MMP26: variants seen among roughly 807,000 people sequenced by gnomAD.
MMP26 encodes matrix metalloproteinase-26.
Under a neutral mutation model 31.0 loss-of-function variants are expected in MMP26, and 33 were observed. The observed-to-expected ratio is 1.06, with a 90% confidence interval of 0.81 to 1.42. The LOEUF is 1.42. MMP26 is among the 40% of genes most tolerant of loss of function. MMP26 has a pLI of 0.00. For synonymous variants in MMP26, 122 were observed against 114.9 expected, an observed-to-expected ratio of 1.06 and a Z score of -0.40; for missense variants, 347 against 316.1, an observed-to-expected ratio of 1.10 and a Z score of -0.74.
chr11:4,743,403 A>T (rs1200401481), intron 1 of MMP26, among the ~76,000 whole-genome samples: 1 of 152,212 alleles, frequency 6.6e-6, no homozygotes, highest in Non-Finnish European at 1.5e-5. Flanking sequence ...TTTCTATTAT[A>T]TAATAGGGGC....
chr11:4,747,590 T>G (rs1848397431), intron 1 of MMP26, among the ~76,000 whole-genome samples: 1 of 152,128 alleles, frequency 6.6e-6, no homozygotes, highest in African/African-American at 2.4e-5. Context: ...TTTTTTTGTA[T>G]ATTAATATTT....
chr11:4,961,894 G>T (rs1846525735), intron 2 of MMP26, among the ~76,000 whole-genome samples: 1 of 152,118 alleles, frequency 6.6e-6, no homozygotes, highest in Non-Finnish European at 1.5e-5. Context: ...CAGTTTCAAG[G>T]ATACCTGTCT....
chr11:4,865,301 A>G (rs1162842599), intron 2 of MMP26, among the ~76,000 whole-genome samples: 1 of 152,082 alleles, frequency 6.6e-6, no homozygotes, highest in Non-Finnish European at 1.5e-5. Context: ...ATTAGGAAAA[A>G]AGGTGTATTG....
At chr11:4,982,312 T>C (rs1564818867) in intron 2 of MMP26, among the ~76,000 whole-genome samples, 1 of 152,154 alleles carries the variant, frequency 6.6e-6, no homozygotes, top group Non-Finnish European at 1.5e-5. Context: ...AGAAATGCAA[T>C]GTGTTATGAC....
intron 2 of MMP26, chr11:4,830,307 A>T (rs17328565): frequency 6.6e-6 from 1 of 152,104 alleles, no homozygotes; most frequent in Non-Finnish European, 1.5e-5. Context: ...AAAACACTGT[A>T]GTTTATAGAG....
chr11:4,973,622 A>G (rs1335566247), intron 2 of MMP26: 1 of 159,330 alleles, frequency 6.3e-6, no homozygotes, highest in Non-Finnish European at 1.5e-5. Context: ...AGCATTGAAC[A>G]GGAAAATCCT....
chr11:4,857,818 A>T (rs1030236816), intron 2 of MMP26, among the ~76,000 whole-genome samples: 3 of 152,192 alleles, frequency 2.0e-5, no homozygotes, highest in African/African-American at 7.2e-5. Context: ...TCAATGCAAA[A>T]ATACTCAATA....
intron 2 of MMP26, among the ~76,000 whole-genome samples, chr11:4,858,220 G>T (rs868363491): frequency 6.6e-6 from 1 of 152,054 alleles, no homozygotes; most frequent in Non-Finnish European, 1.5e-5. Context: ...TGGAAGTTCT[G>T]GCCAGGGCAA....
chr11:4,897,133 C>G (rs1370356617), intron 2 of MMP26, among the ~76,000 whole-genome samples: 2 of 148,522 alleles, frequency 1.3e-5, no homozygotes, highest in Non-Finnish European at 3.0e-5. Flanking sequence ...CACACACACA[C>G]ACGCTGATTT....
At chr11:4,810,862 G>T (rs1397367356) in intron 2 of MMP26, among the ~76,000 whole-genome samples, 1 of 152,220 alleles carries the variant, frequency 6.6e-6, no homozygotes, top group Non-Finnish European at 1.5e-5. Flanking sequence ...CACTGAGGAA[G>T]ATTTGAGAAA....
chr11:4,907,576 T>C, intron 2 of MMP26: 1 of 1,613,974 alleles, frequency 6.2e-7, no homozygotes, highest in African/African-American at 1.3e-5. Flanking sequence ...TGGCTGTCTC[T>C]GACATGGGCC....
chr11:4,735,688 C>T (rs1017425965), intron 1 of MMP26, among the ~76,000 whole-genome samples: 7 of 151,924 alleles, frequency 4.6e-5, no homozygotes, highest in African/African-American at 9.7e-5. Flanking sequence ...TTTAGCATCT[C>T]GCAATAGTAG....
chr11:4,773,829 C>T (rs1848757752), intron 2 of MMP26, among the ~76,000 whole-genome samples: 1 of 152,046 alleles, frequency 6.6e-6, no homozygotes, highest in African/African-American at 2.4e-5. Flanking sequence ...GTGTTGTTCT[C>T]CTTTCTGTGT....
intron 2 of MMP26, among the ~76,000 whole-genome samples, chr11:4,801,497 C>T (rs1429197642): frequency 6.8e-6 from 1 of 147,430 alleles, no homozygotes; most frequent in Non-Finnish European, 1.5e-5. Context: ...GGGGGAGGTC[C>T]CGGACTTTTT....
At chr11:4,940,613 C>T (rs1040730089) in intron 2 of MMP26, among the ~76,000 whole-genome samples, 1 of 152,116 alleles carries the variant, frequency 6.6e-6, no homozygotes, top group African/African-American at 2.4e-5. Context: ...GCTCTAAGAG[C>T]CCCTTGGGAT....
intron 2 of MMP26, among the ~76,000 whole-genome samples, chr11:4,986,361 T>G (rs2133644965): frequency 6.6e-6 from 1 of 152,030 alleles, no homozygotes; most frequent in South Asian, 2.1e-4. Flanking sequence ...TTTTATTTTT[T>G]CTTGGAGATA....
At chr11:4,833,972 A>G (rs1034730783) in intron 2 of MMP26, among the ~76,000 whole-genome samples, 4 of 152,124 alleles carry the variant, frequency 2.6e-5, no homozygotes, top group African/African-American at 9.7e-5. Context: ...CCTGACAACA[A>G]AGTACTCTGT....
At chr11:4,769,563 C>T in intron 2 of MMP26, 1 of 1,613,076 alleles carries the variant, frequency 6.2e-7, no homozygotes. Context: ...AAGGCTGTAG[C>T]CACCAGCACT....
At chr11:4,896,157 A>G (rs1850698378) in intron 2 of MMP26, among the ~76,000 whole-genome samples, 2 of 152,166 alleles carry the variant, frequency 1.3e-5, no homozygotes, top group Admixed American at 1.3e-4. Context: ...TAGAGCACTC[A>G]TATTTCAGAC....
Sources: allele counts gnomAD v4.1 joint callset (sites outside exome capture counted in the v4.1 genomes callset), GRCh38; gene constraint gnomAD v4.1.1; transcripts MANE v1.5; gene names NCBI Gene and HGNC (gene_info 2026-07-23, HGNC 2026-07-21).